The following HHAT variants were observed in gnomAD, a reference collection of about 807,000 sequenced individuals.
The protein encoded by HHAT is hedgehog acyltransferase.
A neutral mutation model predicts 70.8 loss-of-function variants in HHAT; 47 were observed. The ratio of observed to expected loss-of-function variants is 0.66; its 90% CI spans 0.53 to 0.85. The LOEUF (loss-of-function observed/expected upper bound fraction) is 0.85, where lower values mean the gene tolerates loss of function less well. HHAT is among the 40% of genes least tolerant of loss of function. HHAT has a pLI of 0.00. For missense variants in HHAT, 609 were observed against 604.8 expected (o/e 1.01, Z -0.07); for synonymous variants, 228 against 247.6 (o/e 0.92, Z 0.74).
chr1:210,450,496 TTTTAA>T (rs2093729853), intron 7 of HHAT, among the ~76,000 whole-genome samples: 1 of 151,954 alleles, frequency 6.6e-6, no homozygotes, highest in African/African-American at 2.4e-5. Flanking sequence ...TGTATCTTAT[TTTTAA>T]AAAAATTTTT....
intron 9 of HHAT, among the ~76,000 whole-genome samples, chr1:210,536,999 C>T (rs12754753): frequency 0.13 from 19,245 of 151,196 alleles, 1,582 homozygotes; most frequent in South Asian, 0.21. Context: ...AATGTCATGT[C>T]GGGTTTTGAA....
intron 7 of HHAT, among the ~76,000 whole-genome samples, chr1:210,429,822 A>G (rs1346741329): frequency 6.6e-6 from 1 of 151,872 alleles, no homozygotes; most frequent in Non-Finnish European, 1.5e-5. Flanking sequence ...CTTCTTCCCC[A>G]ATAACCTGGA....
Position 210,674,323 on chromosome 1 carries a change from C to T in HHAT, c.1426C>T (p.Leu476=). Residue 476 remains leucine, a synonymous_variant, in exon 12 of 12, where the codon CTG becomes TTG. Coordinates refer to ENST00000261458, the MANE Select transcript of HHAT (RefSeq NM_018194.6). ...GGTGACCCTCTCTGTCCTGGGATTCCTGTACTGCTACTCCCACGTGGGCAT... is the reference window on the plus strand; with the variant it reads ...GGTGACCCTCTCTGTCCTGGGATTCTTGTACTGCTACTCCCACGTGGGCAT... ...PWVTLSVLGF[L]YCYSHVGIAW... 1.2e-6 allele frequency: 2 copies of T among 1,614,200 alleles called. No individual in the cohort carries two copies. Among genetic ancestry groups the T allele is most frequent in the Non-Finnish European group, 1.7e-6 (2 of 1,180,020 alleles).
rs1394781594 is a variant in HHAT at position 210,535,456 on chromosome 1, G to GTGT, written c.1043+22268_1043+22269insTGT. On this transcript the variant is annotated intron_variant, in intron 9 of 11. Transcript: ENST00000261458. ...TTGTGTGTGTGTGTGTGTGTGTGTG[G>GTGT]GGTAAAATAATATAAATAATCTGTC... Among the ~76,000 whole-genome samples, 296 of 140,224 alleles carry GTGT rather than the reference G, an allele frequency of 2.1e-3. 2 individuals carry two copies. The highest frequency in any genetic ancestry group is 6.8e-3 in the African/African-American group (272 of 39,900). The allele number at this position is 140,224 out of a possible 152,430, so 92.0% of individuals were successfully genotyped here. A position where few individuals can be genotyped will look rare whatever the true frequency, so the allele number is the denominator to read the frequency against.
Position 210,363,255 on chromosome 1 carries a change from C to T in HHAT, c.159+336C>T, listed in dbSNP as rs112769447. On this transcript the variant is annotated intron_variant, in intron 3 of 11. Transcript: ENST00000261458. ...CCCTGGACGCTCCTATACCAACTGC[C>T]GGCAGCTGCAGGAACATCTTCCTTC... Among the ~76,000 whole-genome samples the T allele has an allele frequency of 7.5e-3, 1,145 of 152,334 alleles. 20 individuals are homozygous for T. The highest frequency in any genetic ancestry group is 0.026 in the African/African-American group (1,086 of 41,580).
chr1:210,374,237 A>G (rs144646066), intron 3 of HHAT: 3 of 150,490 alleles, frequency 2.0e-5, no homozygotes, highest in Non-Finnish European at 3.0e-5. Context: ...AAAAGGCGAA[A>G]GATTTATTCG....
intron 9 of HHAT, among the ~76,000 whole-genome samples, chr1:210,546,528 G>T (rs2148672309): frequency 6.6e-6 from 1 of 152,296 alleles, no homozygotes; most frequent in African/African-American, 2.4e-5. Flanking sequence ...GGGATGGTTA[G>T]GTCCACCGGG....
chr1:210,383,119 C>A (rs780750177), intron 3 of HHAT, among the ~76,000 whole-genome samples: 27 of 152,156 alleles, frequency 1.8e-4, no homozygotes, highest in Middle Eastern at 3.2e-3. Flanking sequence ...GCTGGTGGAT[C>A]TCTTGAGGTC....
At chr1:210,396,650 A>G (rs907857543) in intron 4 of HHAT, among the ~76,000 whole-genome samples, 2 of 152,262 alleles carry the variant, frequency 1.3e-5, no homozygotes, top group African/African-American at 2.4e-5. Flanking sequence ...GTGTGTTTGC[A>G]TAAGTTTTAT....
intron 8 of HHAT, among the ~76,000 whole-genome samples, chr1:210,497,853 C>T (rs1356170103): frequency 6.6e-6 from 1 of 151,730 alleles, no homozygotes; most frequent in Admixed American, 6.6e-5. Flanking sequence ...GCAACCTCCA[C>T]CTCCCTGGTT....
chr1:210,653,584 A>T (rs988720616), intron 11 of HHAT, among the ~76,000 whole-genome samples: 1 of 152,048 alleles, frequency 6.6e-6, no homozygotes, highest in Non-Finnish European at 1.5e-5. Context: ...CTGTGTACAT[A>T]CAATATTTGT....
At chr1:210,511,895 T>C (rs1308959223) in intron 8 of HHAT, among the ~76,000 whole-genome samples, 1 of 148,108 alleles carries the variant, frequency 6.8e-6, no homozygotes, top group Non-Finnish European at 1.5e-5. Flanking sequence ...GTTCACGCCA[T>C]TCTCCTGCTT....
intron 3 of HHAT, among the ~76,000 whole-genome samples, chr1:210,380,097 C>T (rs571027918): frequency 1.1e-4 from 17 of 152,204 alleles, no homozygotes; most frequent in Non-Finnish European, 2.1e-4. Flanking sequence ...AATAGTTTGA[C>T]TCATTGTATA....
At chr1:210,641,409 T>G (rs1486789426) in intron 11 of HHAT, among the ~76,000 whole-genome samples, 2 of 152,218 alleles carry the variant, frequency 1.3e-5, no homozygotes, top group African/African-American at 4.8e-5. Context: ...AATACCCTGT[T>G]ATCTATTAGG....
At chr1:210,385,924 T>C (rs1261535171) in intron 3 of HHAT, among the ~76,000 whole-genome samples, 3 of 152,198 alleles carry the variant, frequency 2.0e-5, no homozygotes, top group Non-Finnish European at 4.4e-5. Context: ...TTAAGAATCA[T>C]GTTCAAGGTC....
chr1:210,348,736 C>CGCGTGTGT (rs1553317704), intron 1 of HHAT, among the ~76,000 whole-genome samples, 197 bp from the exon 2 acceptor site: 6 of 147,938 alleles, frequency 4.1e-5, no homozygotes, highest in Admixed American at 2.0e-4. Flanking sequence ...TGTATGTGTG[C>CGCGTGTGT]GTGTGTGTGT....
chr1:210,470,410 A>G (rs1489085657), intron 8 of HHAT, among the ~76,000 whole-genome samples: 2 of 152,076 alleles, frequency 1.3e-5, no homozygotes, highest in Non-Finnish European at 1.5e-5. Context: ...ACCTTAGTCA[A>G]TCCCCCTCTC....
At position 210,650,176 on chromosome 1, in the gene HHAT, T is replaced by C. The variant is rs1050849545; in HGVS notation, c.1391-24112T>C. ...TTTTTCATTATTTCCCATTCTTGAA[T>C]CCTGTTGAATAAATAGAGAATCAGA... On this transcript the variant is annotated intron_variant, in intron 11 of 11. Transcript: ENST00000261458. 1.3e-5 allele frequency among the ~76,000 whole-genome samples: 2 copies of C among 152,226 alleles called. 1 individual carries two copies. The highest frequency in any genetic ancestry group is 4.8e-5 in the African/African-American group (2 of 41,466).
At chr1:210,546,973 C>T (rs956529111) in intron 9 of HHAT, among the ~76,000 whole-genome samples, 1 of 152,084 alleles carries the variant, frequency 6.6e-6, no homozygotes, top group Non-Finnish European at 1.5e-5. Context: ...CCTCTCTGGA[C>T]CCTTTCAAAT....
Sources: allele counts gnomAD v4.1 joint callset (sites outside exome capture counted in the v4.1 genomes callset), GRCh38; gene constraint gnomAD v4.1.1; transcripts MANE v1.5; gene names NCBI Gene and HGNC (gene_info 2026-07-23, HGNC 2026-07-21).